The following TMPRSS6 variants were observed in gnomAD, a reference collection of about 807,000 sequenced individuals.
The protein encoded by TMPRSS6 is transmembrane serine protease 6.
A neutral mutation model predicts 101.5 loss-of-function variants in TMPRSS6; 67 were observed. The ratio of observed to expected loss-of-function variants is 0.66; its 90% CI spans 0.54 to 0.81. The LOEUF (loss-of-function observed/expected upper bound fraction) is 0.81, where lower values mean the gene tolerates loss of function less well. TMPRSS6 is among the 30% of genes least tolerant of loss of function. The pLI, the probability that TMPRSS6 is intolerant of heterozygous loss-of-function variation, is 0.00. For missense variants in TMPRSS6, 1,034 were observed against 1,088.7 expected, an observed-to-expected ratio of 0.95 and a Z score of 0.71; for synonymous variants, 453 against 464.9, an observed-to-expected ratio of 0.97 and a Z score of 0.33.
intron 10 of TMPRSS6, chr22:37,083,893 G>A (rs2146101523): frequency 2.2e-6 from 1 of 464,280 alleles, no homozygotes; most frequent in South Asian, 5.0e-5. Context: ...AGGCACCTCT[G>A]ATGGTACGCC....
chr22:37,088,479 G>A (rs1928963740), intron 7 of TMPRSS6, among the ~76,000 whole-genome samples: 1 of 152,142 alleles, frequency 6.6e-6, no homozygotes, highest in African/African-American at 2.4e-5. Context: ...AACAATCGCT[G>A]AGAACTGCCC....
Position 37,069,086 on chromosome 22 carries a change from G to C in TMPRSS6, c.2100C>G (p.Ala700=), listed in dbSNP as rs746948075. ...CCCGCTGCTCACCGCCCTCGCGCAA[G>C]GCGCCCCAGCCCGTAATCCAGCAGT... is the stretch of plus-strand genomic sequence containing the variant. ...GLHCWITGWG[A]LREGGPISNA... Residue 700 remains alanine (A), a synonymous_variant, in exon 16 of 18, where the codon GCC becomes GCG. Transcript: ENST00000676104. The surrounding 1 kb of genome is among the most constrained non-coding windows in gnomAD (Gnocchi z 4.8). 2.6e-6 allele frequency: 4 copies of C among 1,544,970 alleles called. No individual in the cohort carries two copies. The highest frequency in any genetic ancestry group is 1.9e-4 in the Middle Eastern group (1 of 5,134).
chr22:37,077,186 A>C (rs1213220264), intron 10 of TMPRSS6, among the ~76,000 whole-genome samples: 1 of 152,064 alleles, frequency 6.6e-6, no homozygotes, highest in Admixed American at 6.6e-5. Flanking sequence ...GGAGGGAGGA[A>C]TTGCTCTCAT....
rs148129773 is a variant in TMPRSS6, at chr22:37,070,638, C to T, written c.1687G>A (p.Gly563Ser). The change falls in exon 15 of 18, where the codon GGC becomes AGC. Residue 563 changes from glycine (G) to serine (S), a missense_variant. Gly to Ser is a moderately conservative substitution (Grantham distance 56, BLOSUM62 0). Transcript: ENST00000676104. ...DEEHCDCGLQ[G>S]PSSRIVGGAV... ...CCACCAACAATGCGGCTGGAGGGGC[C>T]CTGGAGGCCACAGTCTGGGGATGGG... 8.8e-4 allele frequency: 1,417 copies of T among 1,612,898 alleles called. No individual in the cohort carries two copies. Among genetic ancestry groups the T allele is most frequent in the Non-Finnish European group, 1.1e-3 (1,354 of 1,179,926 alleles).
intron 6 of TMPRSS6, 116 bp from the exon 7 acceptor site, chr22:37,089,898 G>A (rs548738290): frequency 4.6e-5 from 46 of 992,102 alleles, no homozygotes; most frequent in South Asian, 1.2e-4. Context: ...CAGGGGAGCC[G>A]GGTGGGGATA....
rs777965607 is a variant in TMPRSS6 at position 37,095,608 on chromosome 22, GAACA to G, written c.590-20_590-17del. ...ACACTGGCTTCTGATAAAAGGAAAT[GAACA>G]AACAAATAAACAAGAACAAAAAAAA... On this transcript the variant is annotated splice_polypyrimidine_tract_variant and intron_variant, in intron 5 of 17. Transcript: ENST00000676104. 1.4e-5 allele frequency: 20 copies of G among 1,466,652 alleles called. No homozygotes were observed. Among genetic ancestry groups the G allele is most frequent in the African/African-American group, 1.6e-5 (1 of 63,122 alleles). The allele number at this position is 1,466,652 out of a possible 1,614,324, so 90.9% of individuals were successfully genotyped here.
chr22:37,110,043 T>C (rs1175355925), upstream of TMPRSS6, among the ~76,000 whole-genome samples: 3 of 151,658 alleles, frequency 2.0e-5, no homozygotes, highest in East Asian at 3.9e-4. Flanking sequence ...TGGGCCCATA[T>C]ACTCTGGGGA....
chr22:37,093,290 G>A (rs369519726), intron 6 of TMPRSS6, among the ~76,000 whole-genome samples: 3 of 151,662 alleles, frequency 2.0e-5, no homozygotes, highest in Non-Finnish European at 2.9e-5. Flanking sequence ...TGGGGACACA[G>A]AGGCACGAGG....
At chr22:37,068,679 G>C (rs1006143114) in intron 16 of TMPRSS6, 3 of 779,696 alleles carry the variant, frequency 3.8e-6, no homozygotes, top group Admixed American at 3.4e-5. Context: ...TCCGCCCGTA[G>C]GGCTGTTGGG....
intron 2 of TMPRSS6, among the ~76,000 whole-genome samples, chr22:37,102,796 G>T (rs1930436486): frequency 6.6e-6 from 1 of 152,114 alleles, no homozygotes; most frequent in African/African-American, 2.4e-5. Flanking sequence ...GCACTAATTG[G>T]TACCAGGTAC....
chr22:37,082,167 G>A (rs558002349), intron 10 of TMPRSS6, among the ~76,000 whole-genome samples: 1 of 152,298 alleles, frequency 6.6e-6, no homozygotes, highest in Admixed American at 6.5e-5. Context: ...GGACCCATCT[G>A]CGTGCCACCT....
chr22:37,080,042 G>A (rs1928139782), intron 10 of TMPRSS6: 1 of 152,306 alleles, frequency 6.6e-6, no homozygotes, highest in Non-Finnish European at 1.5e-5. Context: ...CGAATCACAA[G>A]AGAAGTGATG....
intron 14 of TMPRSS6, 55 bp from the exon 15 acceptor site, chr22:37,070,707 C>G: frequency 6.4e-7 from 1 of 1,568,998 alleles, no homozygotes; most frequent in African/African-American, 1.4e-5. Context: ...AGGGGAGAAG[C>G]AGACAGAGAG....
intron 10 of TMPRSS6, among the ~76,000 whole-genome samples, chr22:37,078,969 A>G (rs1239442680): frequency 1.4e-5 from 1 of 70,350 alleles, no homozygotes; most frequent in Non-Finnish European, 3.2e-5. Context: ...GAAAGAAAGA[A>G]AGAAAAAGAA....
intron 10 of TMPRSS6, among the ~76,000 whole-genome samples, chr22:37,083,629 C>T (rs1246769038): frequency 6.6e-6 from 1 of 152,266 alleles, no homozygotes; most frequent in African/African-American, 2.4e-5. Flanking sequence ...CCAGTGGGCA[C>T]CTACTGGCCT....
At chr22:37,108,457 G>A (rs2146202627) in intron 1 of TMPRSS6, among the ~76,000 whole-genome samples, 1 of 152,278 alleles carries the variant, frequency 6.6e-6, no homozygotes, top group East Asian at 1.9e-4. Flanking sequence ...TTGCCACAGG[G>A]GCCTGAAGCA....
intron 2 of TMPRSS6, among the ~76,000 whole-genome samples, chr22:37,098,985 T>G (rs1930065851): frequency 6.6e-6 from 1 of 152,232 alleles, no homozygotes; most frequent in Non-Finnish European, 1.5e-5. Flanking sequence ...GGTACGCCAG[T>G]TAACCAAGAC....
rs1489072217 is a variant in TMPRSS6 at position 37,065,929 on chromosome 22, A to G, written c.*151T>C. The G allele has an allele frequency of 1.5e-5, 15 of 973,772 alleles. No individual in the cohort carries two copies. The highest frequency in any genetic ancestry group is 2.1e-5 in the Admixed American group (1 of 47,080). The allele number at this position is 973,772 out of a possible 1,614,324, so 60.3% of individuals were successfully genotyped here. A position where few individuals can be genotyped will look rare whatever the true frequency, so the allele number is the denominator to read the frequency against. On this transcript the variant is annotated 3_prime_UTR_variant, in exon 18 of 18. Coordinates refer to ENST00000676104, the MANE Select transcript of TMPRSS6 (RefSeq NM_001374504.1). Reference sequence around the variant, plus strand: ...CATCCTCCTGCCATCACTGGAGCAGACATCAGGGACGAGACAAGATGCCAC... The same window carrying G: ...CATCCTCCTGCCATCACTGGAGCAGGCATCAGGGACGAGACAAGATGCCAC...
chr22:37,083,363 C>T (rs1928417389), intron 10 of TMPRSS6, among the ~76,000 whole-genome samples: 1 of 152,142 alleles, frequency 6.6e-6, no homozygotes, highest in African/African-American at 2.4e-5. Flanking sequence ...TCCCCTTGCC[C>T]ACCCTCCCCA....
Sources: allele counts gnomAD v4.1 joint callset (sites outside exome capture counted in the v4.1 genomes callset), GRCh38; gene constraint gnomAD v4.1.1; non-coding constraint Gnocchi (gnomAD v3.1); transcripts MANE v1.5; gene names NCBI Gene and HGNC (gene_info 2026-07-23, HGNC 2026-07-21).